Variants in CEP89 observed in about 807,000 individuals in gnomAD.
CEP89 encodes centrosomal protein of 89 kDa.
Under a neutral mutation model 97.6 loss-of-function variants are expected in CEP89, and 95 were observed. The observed-to-expected ratio is 0.97, with a 90% CI of 0.82 to 1.15. CEP89 has a LOEUF of 1.15. CEP89 is among the 50% of genes most tolerant of loss of function. The pLI, the probability that CEP89 is intolerant of heterozygous loss-of-function variation, is 0.00. For missense variants in CEP89, 869 were observed against 947.7 expected (o/e 0.92, Z 1.09); for synonymous variants, 354 against 349.1 (o/e 1.01, Z -0.16).
chr19:32,900,606 G>A (rs963430495), intron 15 of CEP89, among the ~76,000 whole-genome samples: 4 of 151,904 alleles, frequency 2.6e-5, no homozygotes, highest in African/African-American at 9.7e-5. Context: ...TCTGGCTTAT[G>A]TTCTAAAAGG....
chr19:32,951,227 A>G (rs1306259479), intron 4 of CEP89, among the ~76,000 whole-genome samples: 3 of 152,212 alleles, frequency 2.0e-5, no homozygotes, highest in African/African-American at 7.2e-5. Context: ...GGCTGGGCGC[A>G]ATGGCTCACG....
rs777652404 is a variant in CEP89, at chr19:32,923,428, A to G, written c.1268+11T>C. On this transcript the variant is annotated intron_variant, in intron 12 of 18. Transcript: ENST00000305768. The stretch of plus-strand genomic sequence containing the variant: ...AAATTAGCAAAAGAGCAGAAACACA[A>G]TGCCACTTGCCATTCCTCACTGGTA... The G allele has an allele frequency of 7.0e-7, 1 of 1,425,960 alleles. No homozygotes were observed. 88.3% of individuals were successfully genotyped at this position (1,425,960 alleles called of 1,614,324 possible). A position where few individuals can be genotyped will look rare whatever the true frequency, so the allele number is the denominator to read the frequency against.
chr19:32,893,780 G>A (rs1969582610), intron 16 of CEP89, among the ~76,000 whole-genome samples: 1 of 152,206 alleles, frequency 6.6e-6, no homozygotes, highest in African/African-American at 2.4e-5. Flanking sequence ...CAATGATTGG[G>A]TCAATGAAGA....
At chr19:32,881,093 C>T (rs1969270459) in intron 18 of CEP89, among the ~76,000 whole-genome samples, 1 of 152,212 alleles carries the variant, frequency 6.6e-6, no homozygotes, top group Non-Finnish European at 1.5e-5. Context: ...AGTGAGTCTA[C>T]ACTGTTCCCC....
intron 5 of CEP89, among the ~76,000 whole-genome samples, chr19:32,940,758 C>T (rs907594233): frequency 4.6e-5 from 7 of 151,304 alleles, no homozygotes; most frequent in Admixed American, 2.6e-4. Context: ...AGTTGGACAT[C>T]GAGTTGCTTT....
rs1568556749 is a variant in CEP89, at chr19:32,913,311, TTGTTGTTGTTG to T, written c.1565+2015_1565+2025del. ...ACCATATATATATATATATATTTTT[TTGTTGTTGTTG>T]TTGTTGTTGTTGTTGTTGTTTCACA... On this transcript the variant is annotated intron_variant, in intron 14 of 18. Coordinates refer to ENST00000305768, the MANE Select transcript of CEP89 (RefSeq NM_032816.5). Among the ~76,000 whole-genome samples the T allele has an allele frequency of 6.6e-3, 176 of 26,674 alleles. No homozygotes were observed. The East Asian group carries it at 0.14, about 22-fold the overall frequency. The allele number at this position is 26,674 out of a possible 152,430, so 17.5% of individuals were successfully genotyped here.
intron 4 of CEP89, among the ~76,000 whole-genome samples, chr19:32,951,534 T>TATATACACACAC (rs1407110112): frequency 7.8e-4 from 95 of 122,030 alleles, no homozygotes; most frequent in African/African-American, 3.1e-3. Flanking sequence ...TATATATATA[T>TATATACACACAC]ACACACACAC....
intron 14 of CEP89, among the ~76,000 whole-genome samples, chr19:32,906,685 GTC>G (rs904102777): frequency 1.3e-5 from 2 of 150,628 alleles, no homozygotes; most frequent in African/African-American, 2.4e-5. Flanking sequence ...CTGACTGCAA[GTC>G]TCTCTCCATC....
intron 14 of CEP89, among the ~76,000 whole-genome samples, chr19:32,902,579 G>GA (rs1245936558): frequency 2.0e-5 from 3 of 152,172 alleles, no homozygotes; most frequent in African/African-American, 7.2e-5. Flanking sequence ...GACAACAGGC[G>GA]AGGCAGGACT....
At chr19:32,889,035 A>G (rs1969459195) in intron 16 of CEP89, among the ~76,000 whole-genome samples, 1 of 152,142 alleles carries the variant, frequency 6.6e-6, no homozygotes, top group South Asian at 2.1e-4. Context: ...TTCCCAAGGC[A>G]GAGTGGAGTC....
Position 32,931,318 on chromosome 19 carries a change from G to A in CEP89, c.1029+111C>T, listed in dbSNP as rs991129884. ...TTAGAAACATTGTGCCTTGGACAGA[G>A]CTTTTCTTACATCAAATTATAATAA... On this transcript the variant is annotated intron_variant, in intron 9 of 18. Transcript: ENST00000305768. The A allele has an allele frequency of 4.4e-5, 44 of 1,003,356 alleles. No individual in the cohort carries two copies. The South Asian group carries it at 7.1e-4, about 16-fold the overall frequency. The allele number at this position is 1,003,356 out of a possible 1,614,324, so 62.2% of individuals were successfully genotyped here. A position where few individuals can be genotyped will look rare whatever the true frequency, so the allele number is the denominator to read the frequency against.
rs774059616 is a variant in CEP89, at chr19:32,971,886, G to A, written c.-12C>T. On this transcript the variant is annotated 5_prime_UTR_variant, in exon 1 of 19. Coordinates refer to ENST00000305768, the MANE Select transcript of CEP89 (RefSeq NM_032816.5). ...AATCCCAGGAGCATCCTTGCAGCGC[G>A]AGGAGAATGGACCGGGGCCTGGACT... 3 of 1,584,222 alleles carry A rather than the reference G, an allele frequency of 1.9e-6. No homozygotes were observed. Among genetic ancestry groups the A allele is most frequent in the East Asian group, 2.3e-5 (1 of 42,866 alleles).
At chr19:32,914,124 A>G (rs1003762614) in intron 14 of CEP89, among the ~76,000 whole-genome samples, 2 of 152,290 alleles carry the variant, frequency 1.3e-5, no homozygotes, top group East Asian at 3.9e-4. Context: ...CCTGAGCAAC[A>G]TTGTAAAAAA....
intron 4 of CEP89, 88 bp downstream of exon 4, chr19:32,953,527 A>G (rs1398545974): frequency 4.8e-6 from 5 of 1,041,004 alleles, no homozygotes; most frequent in Non-Finnish European, 7.0e-6. Context: ...TGCAGAATAG[A>G]GAGAAGAAAT....
At chr19:32,966,548 C>T (rs1971288711) in intron 1 of CEP89, 82 bp from the exon 2 acceptor site, 6 of 765,918 alleles carry the variant, frequency 7.8e-6, no homozygotes, top group Non-Finnish European at 1.2e-5. Flanking sequence ...CCTGGGCCTG[C>T]AAGGGGACAC....
At chr19:32,965,452 G>A (rs1971261177) in intron 2 of CEP89, among the ~76,000 whole-genome samples, 1 of 151,502 alleles carries the variant, frequency 6.6e-6, no homozygotes. Flanking sequence ...TGTAATCCCA[G>A]GCACTTTGGG....
chr19:32,939,766 T>C, intron 6 of CEP89, 91 bp downstream of exon 6: 3 of 624,810 alleles, frequency 4.8e-6, no homozygotes, highest in Non-Finnish European at 8.5e-6. Flanking sequence ...ACCGCCAAAG[T>C]TTCAACACCA....
At chr19:32,931,648 T>A (rs998665476) in intron 8 of CEP89, 77 bp from the exon 9 acceptor site, 1 of 1,256,482 alleles carries the variant, frequency 8.0e-7, no homozygotes, top group East Asian at 2.6e-5. Context: ...TGCAAATCGT[T>A]TGCTTTTCTC....
intron 7 of CEP89, among the ~76,000 whole-genome samples, chr19:32,935,590 A>C (rs1374455636): frequency 3.9e-5 from 6 of 152,214 alleles, no homozygotes. Context: ...TACAGCATTG[A>C]AAATGCTGAG....
Sources: gnomAD v4.1 joint callset for allele counts (sites outside exome capture counted in the v4.1 genomes callset) on GRCh38, gnomAD v4.1.1 for gene constraint, MANE v1.5 for transcripts, NCBI Gene and HGNC (gene_info 2026-07-23, HGNC 2026-07-21) for gene names.